MGME1: variants seen among roughly 807,000 people sequenced by gnomAD.
MGME1 encodes the protein chromosome 20 open reading frame 72.
A neutral mutation model predicts 33.0 loss-of-function variants in MGME1; 22 were observed. The observed-to-expected ratio is 0.67, with a 90% CI of 0.48 to 0.95. The LOEUF (loss-of-function observed/expected upper bound fraction) is 0.95, where lower values mean the gene tolerates loss of function less well. MGME1 is among the 40% of genes least tolerant of loss of function. The pLI, the probability that MGME1 is intolerant of heterozygous loss-of-function variation, is 0.00. For synonymous variants in MGME1, 133 were observed against 144.0 expected (o/e 0.92, Z 0.55); for missense variants, 383 against 397.8 (o/e 0.96, Z 0.32).
chr20:17,973,243 C>T (rs999894008), intron 2 of MGME1, among the ~76,000 whole-genome samples: 8 of 152,078 alleles, frequency 5.3e-5, no homozygotes, highest in African/African-American at 1.9e-4. Flanking sequence ...ACTACGGAGG[C>T]TGAGGCAGGA....
chr20:17,989,036 C>A (rs2122631774), intron 4 of MGME1, among the ~76,000 whole-genome samples: 1 of 152,066 alleles, frequency 6.6e-6, no homozygotes, highest in Non-Finnish European at 1.5e-5. Context: ...TTCCAGTGAG[C>A]CGAGATTGTA....
intron 3 of MGME1, among the ~76,000 whole-genome samples, chr20:17,983,721 A>C (rs1026640659): frequency 3.3e-5 from 5 of 152,146 alleles, no homozygotes; most frequent in African/African-American, 1.2e-4. Flanking sequence ...ATTTTCATCT[A>C]TCTGTTGGTC....
In MGME1 at chr20:17,975,794, A is replaced by G. The variant is rs1437743151; in HGVS notation, c.622A>G (p.Ser208Gly). The G allele has an allele frequency of 3.1e-6, 5 of 1,614,040 alleles. No individual in the cohort carries two copies. Among genetic ancestry groups the G allele is most frequent in the Non-Finnish European group, 4.2e-6 (5 of 1,180,010 alleles). The part of the protein sequence containing the change: ...ENLLKSGYIE[S>G]VQHILKDVSG... Reference sequence around the variant, plus strand: ...TCTCCTCAAGTCTGGTTACATTGAAAGTGTCCAGCATATTCTGAAAGATGT... The same window carrying G: ...TCTCCTCAAGTCTGGTTACATTGAAGGTGTCCAGCATATTCTGAAAGATGT... Residue 208 changes from serine to glycine, a missense_variant, in exon 3 of 5, where the codon AGT becomes GGT. Physicochemically the swap from Ser to Gly is moderately conservative, Grantham distance 56. Coordinates refer to ENST00000377710, the MANE Select transcript of MGME1 (RefSeq NM_052865.4).
chr20:17,987,999 G>A (rs1042300763), intron 3 of MGME1, among the ~76,000 whole-genome samples, 167 bp from the exon 4 acceptor site: 3 of 152,064 alleles, frequency 2.0e-5, no homozygotes, highest in Non-Finnish European at 4.4e-5. Context: ...TTTAGCCTGG[G>A]CAACATATGA....
rs79417227 is a variant in MGME1 at position 17,983,267 on chromosome 20, T to TTTGTGTGTG, written c.732-4898_732-4897insTGTGTGTGT. 9.4e-3 allele frequency among the ~76,000 whole-genome samples: 1,348 copies of TTTGTGTGTG among 142,664 alleles called. 13 individuals are homozygous for TTTGTGTGTG. The highest frequency in any genetic ancestry group is 0.014 in the Non-Finnish European group (922 of 65,932). 93.6% of individuals were successfully genotyped at this position (142,664 alleles called of 152,430 possible). ...TTTTTAAAGGCTATGTAGTGTTCTA[T>TTTGTGTGTG]TGTGTGTGTGTGTGTGTGTGTGTGT... On this transcript the variant is annotated intron_variant, in intron 3 of 4. Transcript: ENST00000377710.
At chr20:17,984,268 G>C (rs570971495) in intron 3 of MGME1, among the ~76,000 whole-genome samples, 1 of 152,188 alleles carries the variant, frequency 6.6e-6, no homozygotes, top group South Asian at 2.1e-4. Flanking sequence ...TAAGGTGTCT[G>C]CTTTTATGCT....
At chr20:17,988,703 TAA>T (rs34498827) in intron 4 of MGME1, among the ~76,000 whole-genome samples, 22 of 138,808 alleles carry the variant, frequency 1.6e-4, no homozygotes, top group Admixed American at 3.7e-4. Context: ...AGAAAAATTG[TAA>T]AAAAAAAAAA....
At chr20:17,989,250 G>A (rs1345047872) in intron 4 of MGME1, among the ~76,000 whole-genome samples, 1 of 151,628 alleles carries the variant, frequency 6.6e-6, no homozygotes, top group Non-Finnish European at 1.5e-5. Flanking sequence ...GCTGGGCGTG[G>A]TGGTGTGTGC....
intron 4 of MGME1, 52 bp from the exon 5 acceptor site, chr20:17,989,886 TA>T: frequency 6.4e-7 from 1 of 1,560,408 alleles, no homozygotes; most frequent in South Asian, 1.2e-5. Context: ...GAAACGAACC[TA>T]AACTCTGGAC....
At chr20:17,975,924 G>T (rs759701762) in intron 3 of MGME1, 21 bp downstream of exon 3, 2 of 1,571,652 alleles carry the variant, frequency 1.3e-6, no homozygotes. Context: ...GATTGGAGGT[G>T]AATTAATACA....
intron 3 of MGME1, among the ~76,000 whole-genome samples, chr20:17,985,227 C>T (rs1313480025): frequency 1.3e-5 from 2 of 152,036 alleles, no homozygotes; most frequent in Non-Finnish European, 2.9e-5. Context: ...GGTTTGAAAC[C>T]AGCCTGGCCA....
intron 1 of MGME1, 66 bp from the exon 2 acceptor site, chr20:17,969,735 A>G: frequency 4.9e-6 from 5 of 1,025,240 alleles, no homozygotes; most frequent in Non-Finnish European, 7.0e-6. Flanking sequence ...GAAAAAGTTC[A>G]CAATTTTGAT....
At chr20:17,983,656 A>G (rs1031141429) in intron 3 of MGME1, among the ~76,000 whole-genome samples, 3 of 152,208 alleles carry the variant, frequency 2.0e-5, no homozygotes, top group African/African-American at 7.2e-5. Context: ...TGAGGTAATA[A>G]TAGCCCAGTG....
intron 3 of MGME1, among the ~76,000 whole-genome samples, chr20:17,982,875 C>T (rs550888758): frequency 1.3e-5 from 2 of 152,128 alleles, no homozygotes; most frequent in African/African-American, 4.8e-5. Context: ...TTATCATATC[C>T]ATCACTTCAC....
Position 17,990,290 on chromosome 20 carries a change from A to C in MGME1, c.*181A>C. 1.5e-6 allele frequency: 1 copy of C among 648,234 alleles called. No individual in the cohort carries two copies. The highest frequency in any genetic ancestry group is 2.7e-6 in the Non-Finnish European group (1 of 368,320). 40.2% of individuals were successfully genotyped at this position (648,234 alleles called of 1,614,324 possible). On this transcript the variant is annotated 3_prime_UTR_variant, in exon 5 of 5. Coordinates refer to ENST00000377710, the MANE Select transcript of MGME1 (RefSeq NM_052865.4). Reference sequence around the variant, plus strand: ...AAGACTGAAAAGCCCCAAAGTCTAGATATAAAGACCTAGACTTCGGCACGC... The same window carrying C: ...AAGACTGAAAAGCCCCAAAGTCTAGCTATAAAGACCTAGACTTCGGCACGC...
intron 2 of MGME1, among the ~76,000 whole-genome samples, chr20:17,974,170 TTC>T (rs1385610466): frequency 6.8e-6 from 1 of 147,114 alleles, no homozygotes; most frequent in African/African-American, 2.5e-5. Context: ...GTTCAAGCAA[TTC>T]TCCTGCCTCA....
At chr20:17,982,253 T>C (rs147229465) in intron 3 of MGME1, among the ~76,000 whole-genome samples, 5 of 152,340 alleles carry the variant, frequency 3.3e-5, no homozygotes, top group African/African-American at 1.2e-4. Flanking sequence ...CCCAAGTGGC[T>C]GAGATTACAG....
chr20:17,975,422 T>A (rs184051984), intron 2 of MGME1, among the ~76,000 whole-genome samples: 6 of 152,038 alleles, frequency 3.9e-5, no homozygotes, highest in Non-Finnish European at 8.8e-5. Flanking sequence ...CCAGGCACGG[T>A]GGCGGGCGCC....
intron 3 of MGME1, among the ~76,000 whole-genome samples, chr20:17,976,269 A>G (rs1171539548): frequency 6.6e-6 from 1 of 152,020 alleles, no homozygotes; most frequent in Non-Finnish European, 1.5e-5. Context: ...GACTACAGGC[A>G]TGCACCACCG....
Sources: gnomAD v4.1 joint callset for allele counts (sites outside exome capture counted in the v4.1 genomes callset) on GRCh38, gnomAD v4.1.1 for gene constraint, MANE v1.5 for transcripts, NCBI Gene and HGNC (gene_info 2026-07-23, HGNC 2026-07-21) for gene names.